The following ARHGAP20 variants were observed in gnomAD, a reference collection of about 807,000 sequenced individuals.
ARHGAP20 encodes Rho GTPase activating protein 20.
In ARHGAP20, 34 loss-of-function variants were observed where a neutral mutation model predicts 73.7. The observed-to-expected ratio is 0.46, with a 90% CI of 0.35 to 0.61. The LOEUF (loss-of-function observed/expected upper bound fraction) is 0.61, where lower values mean the gene tolerates loss of function less well. Ranked by LOEUF, ARHGAP20 falls within the 20% of genes least tolerant of loss-of-function variation. The pLI, the probability that ARHGAP20 is intolerant of heterozygous loss-of-function variation, is 0.00. For synonymous variants in ARHGAP20, 523 were observed against 518.2 expected (o/e 1.01, Z -0.13); for missense variants, 1,314 against 1,420.9 (o/e 0.92, Z 1.21).
Position 110,624,254 on chromosome 11 carries a change from T to G in ARHGAP20, c.411A>C (p.Ala137=). 3 of 1,611,600 alleles carry G rather than the reference T, an allele frequency of 1.9e-6. No homozygotes were observed. The highest frequency in any genetic ancestry group is 2.5e-6 in the Non-Finnish European group (3 of 1,178,496). The change falls in exon 4 of 15, where the codon GCA becomes GCC. Residue 137 remains alanine (A), a synonymous_variant. Transcript: ENST00000683387. ...NKIKLTDMWT[A]SCVDEVGEGN... is the part of the protein sequence containing the mutation. ...CTTCTCCCACTTCATCCACACAGCT[T>G]GCTGTCCACATATCAGTTAATTTAA...
At chr11:110,629,040 A>G (rs995382406) in intron 3 of ARHGAP20, among the ~76,000 whole-genome samples, 3 of 152,210 alleles carry the variant, frequency 2.0e-5, no homozygotes, top group African/African-American at 4.8e-5. Flanking sequence ...GGGGAAAAAT[A>G]TCCAAAAAAG....
chr11:110,605,164 T>C (rs1182867042), intron 9 of ARHGAP20, among the ~76,000 whole-genome samples: 1 of 152,016 alleles, frequency 6.6e-6, no homozygotes, highest in Non-Finnish European at 1.5e-5. Flanking sequence ...TCAAGTTGCA[T>C]AAGGAGGAAA....
At chr11:110,644,020 G>A (rs978174194) in intron 2 of ARHGAP20, among the ~76,000 whole-genome samples, 10 of 152,030 alleles carry the variant, frequency 6.6e-5, no homozygotes, top group Non-Finnish European at 1.2e-4. Context: ...ACAACAATGA[G>A]CAAGCTGAGA....
In ARHGAP20 at chr11:110,586,278, A is replaced by G; in HGVS notation, c.1353T>C (p.Tyr451=). The change falls in exon 12 of 15, where the codon TAT becomes TAC. Residue 451 remains tyrosine, a synonymous_variant. Coordinates refer to ENST00000683387, the MANE Select transcript of ARHGAP20 (RefSeq NM_001384657.1). ...GATCCATTACAGAGACCCAGTGATC[A>G]TAGAGATCTGATGAAAAAATACTTC... The part of the protein sequence containing the change: ...IPGSIFSSDL[Y]DHWVSVMDQG... 1 of 1,579,752 alleles carries G rather than the reference A, an allele frequency of 6.3e-7. No homozygotes were observed. Among genetic ancestry groups the G allele is most frequent in the Non-Finnish European group, 8.6e-7 (1 of 1,162,520 alleles).
intron 1 of ARHGAP20, among the ~76,000 whole-genome samples, chr11:110,710,149 CAGTA>C (rs1950619736): frequency 6.6e-6 from 1 of 152,150 alleles, no homozygotes; most frequent in Admixed American, 6.5e-5. Flanking sequence ...ATGTTGCAAA[CAGTA>C]AGTGCTAACA....
intron 5 of ARHGAP20, among the ~76,000 whole-genome samples, chr11:110,614,917 G>A (rs957023519): frequency 5.9e-5 from 9 of 152,064 alleles, no homozygotes; most frequent in African/African-American, 1.7e-4. Context: ...GGCACCTCTG[G>A]GTAATGTCTG....
chr11:110,701,681 G>T (rs1950456135), intron 1 of ARHGAP20, among the ~76,000 whole-genome samples: 1 of 152,126 alleles, frequency 6.6e-6, no homozygotes, highest in Non-Finnish European at 1.5e-5. Flanking sequence ...GAATGGTAAT[G>T]CCCAGGTTTT....
Position 110,577,140 on chromosome 11 carries a change from T to G in ARHGAP20, c.*2230A>C. Reference sequence around the variant, plus strand: ...CTTGAAAACCAAACAACTTTAAAAGTTAGCAGCAGTTTCTGCAAGTACAAA... The same window carrying G: ...CTTGAAAACCAAACAACTTTAAAAGGTAGCAGCAGTTTCTGCAAGTACAAA... On this transcript the variant is annotated 3_prime_UTR_variant, in exon 15 of 15. Transcript: ENST00000683387. 6.5e-7 allele frequency: 1 copy of G among 1,534,844 alleles called. No homozygotes were observed. The highest frequency in any genetic ancestry group is 8.7e-7 in the Non-Finnish European group (1 of 1,146,330).
intron 3 of ARHGAP20, among the ~76,000 whole-genome samples, chr11:110,628,739 A>G (rs1786029014): frequency 1.3e-5 from 2 of 152,168 alleles, no homozygotes; most frequent in Non-Finnish European, 2.9e-5. Flanking sequence ...TAAAGTGGAC[A>G]TTAAAGTTAT....
Position 110,577,392 on chromosome 11 carries a change from G to C in ARHGAP20, c.*1978C>G. The C allele has an allele frequency of 1.7e-6, 2 of 1,167,878 alleles. No homozygotes were observed. Among genetic ancestry groups the C allele is most frequent in the South Asian group, 8.7e-5 (2 of 23,052 alleles). 72.3% of individuals were successfully genotyped at this position (1,167,878 alleles called of 1,614,324 possible). ...AGTATCTAAGGGAACACAGATAGTA[G>C]GAATGGTTATTAAAAAACCTCAGCA... On this transcript the variant is annotated 3_prime_UTR_variant, in exon 15 of 15. Transcript: ENST00000683387.
At chr11:110,674,137 T>C (rs534194833) in intron 2 of ARHGAP20, among the ~76,000 whole-genome samples, 1 of 152,226 alleles carries the variant, frequency 6.6e-6, no homozygotes, top group South Asian at 2.1e-4. Context: ...GGTTTCACCA[T>C]GTTGGCCAGG....
chr11:110,585,037 GAATA>G (rs1233827808), intron 12 of ARHGAP20, among the ~76,000 whole-genome samples: 1 of 146,240 alleles, frequency 6.8e-6, no homozygotes, highest in Non-Finnish European at 1.5e-5. Flanking sequence ...GAATATATGT[GAATA>G]TATATGAATA....
intron 2 of ARHGAP20, among the ~76,000 whole-genome samples, chr11:110,636,646 A>G (rs928045357): frequency 1.2e-4 from 19 of 152,060 alleles, no homozygotes; most frequent in Non-Finnish European, 2.1e-4. Context: ...ATGCCTGAAG[A>G]CTTTAGTAAA....
intron 1 of ARHGAP20, chr11:110,711,822 G>A (rs1591202592): frequency 3.8e-6 from 5 of 1,317,714 alleles, no homozygotes; most frequent in Non-Finnish European, 3.9e-6. Context: ...CGCGCGCCTA[G>A]ACTGAGGGAG....
intron 9 of ARHGAP20, among the ~76,000 whole-genome samples, chr11:110,604,757 T>C (rs746432876): frequency 1.8e-4 from 27 of 152,086 alleles, no homozygotes; most frequent in Non-Finnish European, 3.2e-4. Context: ...CAAGGTAAAT[T>C]TGTGTATCTG....
Position 110,580,916 on chromosome 11 carries a change from G to A in ARHGAP20, c.2030C>T (p.Pro677Leu), listed in dbSNP as rs753810249. ...KIPLRDHARA[P>L]SAMCTPSYLS... is the part of the protein sequence containing the mutation. Reference sequence around the variant, plus strand: ...GTAGCTGGGTGTGCACATGGCAGATGGGGCCCTGGCATGATCCCGCAGTGG... The same window carrying A: ...GTAGCTGGGTGTGCACATGGCAGATAGGGCCCTGGCATGATCCCGCAGTGG... Residue 677 changes from proline (P) to leucine (L), a missense_variant, in exon 15 of 15, where the codon CCA (proline) becomes CTA (leucine). Around this residue, in one of 3 missense-constraint regions of ARHGAP20, gnomAD observed 641 missense variants for 636.9 expected, o/e 1.01. Transcript: ENST00000683387. The A allele has an allele frequency of 1.9e-6, 3 of 1,613,626 alleles. No homozygotes were observed. Among genetic ancestry groups the A allele is most frequent in the Admixed American group, 1.7e-5 (1 of 60,026 alleles).
chr11:110,623,948 A>G (rs1470279476), intron 4 of ARHGAP20, among the ~76,000 whole-genome samples: 3 of 152,212 alleles, frequency 2.0e-5, no homozygotes, highest in African/African-American at 7.2e-5. Flanking sequence ...ACATATTTTA[A>G]TCAAAAGCCC....
intron 10 of ARHGAP20, among the ~76,000 whole-genome samples, chr11:110,591,107 T>C (rs1947817793): frequency 1.3e-5 from 2 of 152,318 alleles, no homozygotes; most frequent in South Asian, 4.1e-4. Context: ...TTATAGTTAA[T>C]AATGCATTAT....
chr11:110,579,713 G>C lies in ARHGAP20; in HGVS notation c.3233C>G (p.Ser1078Cys). The C allele has an allele frequency of 6.2e-7, 1 of 1,614,224 alleles. No homozygotes were observed. Among genetic ancestry groups the C allele is most frequent in the Non-Finnish European group, 8.5e-7 (1 of 1,180,036 alleles). Residue 1078 changes from serine (S) to cysteine (C), a missense_variant, in exon 15 of 15, where the codon TCT (serine) becomes TGT (cysteine). Coordinates refer to ENST00000683387, the MANE Select transcript of ARHGAP20 (RefSeq NM_001384657.1). ...KGPLEPPPHA[S>C]GVPEANSLQE... is the part of the protein sequence containing the mutation. ...CAGTGAGTTGGCTTCTGGAACACCAGAAGCATGTGGGGGTGGCTCTAAGGG... is the reference window on the plus strand; with the variant it reads ...CAGTGAGTTGGCTTCTGGAACACCACAAGCATGTGGGGGTGGCTCTAAGGG...
Sources: allele counts gnomAD v4.1 joint callset (sites outside exome capture counted in the v4.1 genomes callset), GRCh38; gene constraint gnomAD v4.1.1; regional missense constraint gnomAD v4.1.1; transcripts MANE v1.5; gene names NCBI Gene and HGNC (gene_info 2026-07-23, HGNC 2026-07-21).